Variants in ANKRD55 observed in about 807,000 individuals in gnomAD.
The protein encoded by ANKRD55 is ankyrin repeat domain 55, also known as ankyrin repeat domain-containing protein 55.
In ANKRD55, 41 loss-of-function variants were observed where a neutral mutation model predicts 60.6. That is an observed-to-expected ratio of 0.68 (90% CI 0.53 to 0.88). The LOEUF (loss-of-function observed/expected upper bound fraction) is 0.88, where lower values mean the gene tolerates loss of function less well. Ranked by LOEUF, ANKRD55 falls within the 40% of genes least tolerant of loss-of-function variation. ANKRD55 has a pLI of 0.00. For missense variants in ANKRD55, 732 were observed against 767.6 expected, an observed-to-expected ratio of 0.95 and a Z score of 0.55; for synonymous variants, 264 against 290.3, an observed-to-expected ratio of 0.91 and a Z score of 0.92.
At chr5:56,185,972 T>C (rs1200622887) in intron 2 of ANKRD55, among the ~76,000 whole-genome samples, 1 of 152,186 alleles carries the variant, frequency 6.6e-6, no homozygotes, top group Non-Finnish European at 1.5e-5. Context: ...TTGTTTTCGT[T>C]TGTTTGTTTT....
chr5:56,187,457 G>A (rs1758998521), intron 2 of ANKRD55, among the ~76,000 whole-genome samples: 1 of 152,240 alleles, frequency 6.6e-6, no homozygotes, highest in Non-Finnish European at 1.5e-5. Flanking sequence ...TTGTATGGGA[G>A]CTCTGTTTTC....
chr5:56,143,887 G>T lies in ANKRD55; in HGVS notation c.526C>A (p.Gln176Lys). 6.2e-7 allele frequency: 1 copy of T among 1,614,164 alleles called. No individual in the cohort carries two copies. Among genetic ancestry groups the T allele is most frequent in the Non-Finnish European group, 8.5e-7 (1 of 1,180,034 alleles). Residue 176 changes from glutamine to lysine, a missense_variant, in exon 7 of 12, where the codon CAA becomes AAA. By Grantham distance (53) the Gln-to-Lys change is moderately conservative. Transcript: ENST00000341048. ...TTCTTCAGCAGCATTTGTGTGTGTTGAGGCTGGTTGTGGAAAGCCGCCCAG... is the reference window on the plus strand; with the variant it reads ...TTCTTCAGCAGCATTTGTGTGTGTTTAGGCTGGTTGTGGAAAGCCGCCCAG... The part of the protein sequence containing the change: ...LHWAAFHNQP[Q>K]HTQMLLKKGA...
At position 56,143,904 on chromosome 5, in the gene ANKRD55, G is replaced by A. The variant is rs1244169186; in HGVS notation, c.509C>T (p.Ala170Val). ...NEGMTPLHWA[A>V]FHNQPQHTQM... is the part of the protein sequence containing the mutation. ...TGTGTGTTGAGGCTGGTTGTGGAAA[G>A]CCGCCCAGTGGAGTGGTGTCATTCC... The change falls in exon 7 of 12, where the codon GCT becomes GTT. Residue 170 changes from alanine (A) to valine (V), a missense_variant. By Grantham distance (64) the Ala-to-Val change is moderately conservative (BLOSUM62 0). Coordinates refer to ENST00000341048, the MANE Select transcript of ANKRD55 (RefSeq NM_024669.3). 10 of 1,613,994 alleles carry A rather than the reference G, an allele frequency of 6.2e-6. No individual in the cohort carries two copies. The highest frequency in any genetic ancestry group is 8.5e-6 in the Non-Finnish European group (10 of 1,180,038).
chr5:56,159,715 C>G (rs1351310654), intron 6 of ANKRD55, 118 bp downstream of exon 6: 1 of 1,014,006 alleles, frequency 9.9e-7, no homozygotes, highest in Non-Finnish European at 1.5e-6. Flanking sequence ...GGTAGGAACA[C>G]AGAACCATGC....
At position 56,111,378 on chromosome 5, in the gene ANKRD55, G is replaced by T. The variant is rs371537178; in HGVS notation, c.1370C>A (p.Ala457Glu). 3 of 1,614,180 alleles carry T rather than the reference G, an allele frequency of 1.9e-6. No homozygotes were observed. Among genetic ancestry groups the T allele is most frequent in the Non-Finnish European group, 2.5e-6 (3 of 1,180,044 alleles). ...ATGATGAGGAGCAGAGCTCAGGCCT[G>T]CATGGGAAGTGGCCCTATGGGAGGC... ...LTASHRATSH[A>E]GLSSAPHHMA... Residue 457 changes from alanine (A) to glutamate (E), a missense_variant, in exon 10 of 12, where the codon GCA becomes GAA. By Grantham distance (107) the Ala-to-Glu change is moderately radical (BLOSUM62 -1). Coordinates refer to ENST00000341048, the MANE Select transcript of ANKRD55 (RefSeq NM_024669.3).
intron 2 of ANKRD55, among the ~76,000 whole-genome samples, chr5:56,190,429 C>CT (rs1369925543): frequency 1.3e-5 from 2 of 152,060 alleles, no homozygotes; most frequent in Non-Finnish European, 2.9e-5. Flanking sequence ...TTTCCCTAGG[C>CT]TTTTTTCTAT....
At chr5:56,121,525 A>G (rs1479419542) in intron 8 of ANKRD55, among the ~76,000 whole-genome samples, 4 of 151,938 alleles carry the variant, frequency 2.6e-5, no homozygotes, top group African/African-American at 7.3e-5. Flanking sequence ...GGCGCCCGCC[A>G]CCACACCCAG....
intron 2 of ANKRD55, among the ~76,000 whole-genome samples, chr5:56,202,540 T>A (rs763258585): frequency 6.6e-6 from 1 of 152,204 alleles, no homozygotes; most frequent in Non-Finnish European, 1.5e-5. Context: ...GTGTCAGTCA[T>A]ATGAGAAGAA....
At chr5:56,105,350 G>A (rs1424661658) in intron 10 of ANKRD55, among the ~76,000 whole-genome samples, 1 of 152,178 alleles carries the variant, frequency 6.6e-6, no homozygotes, top group South Asian at 2.1e-4. Context: ...GCCTCCCAAA[G>A]TGTTGGGATT....
chr5:56,155,849 CAAAA>C (rs11338877), intron 6 of ANKRD55, among the ~76,000 whole-genome samples: 2 of 125,356 alleles, frequency 1.6e-5, no homozygotes, highest in African/African-American at 3.0e-5. Flanking sequence ...GACCCTGCCT[CAAAA>C]AAAAAAAAAA....
At chr5:56,209,442 A>G (rs1759602552) in intron 2 of ANKRD55, among the ~76,000 whole-genome samples, 1 of 151,418 alleles carries the variant, frequency 6.6e-6, no homozygotes, top group Non-Finnish European at 1.5e-5. Flanking sequence ...TCTGAATAAT[A>G]CCAAAACATT....
At chr5:56,193,006 T>G in intron 2 of ANKRD55, 1 of 974,730 alleles carries the variant, frequency 1.0e-6, no homozygotes. Flanking sequence ...CTTTTCAGTA[T>G]GTTCATGAAC....
intron 8 of ANKRD55, among the ~76,000 whole-genome samples, chr5:56,124,004 G>A (rs1757159655): frequency 6.6e-6 from 1 of 152,158 alleles, no homozygotes; most frequent in Non-Finnish European, 1.5e-5. Flanking sequence ...GCCGCTGAAT[G>A]GCAGGAGATA....
chr5:56,148,138 G>A (rs1757945223), intron 6 of ANKRD55, among the ~76,000 whole-genome samples: 1 of 152,224 alleles, frequency 6.6e-6, no homozygotes, highest in Non-Finnish European at 1.5e-5. Context: ...TTAGTGAATT[G>A]CAGCTTATCA....
Position 56,135,211 on chromosome 5 carries a change from TTTCCTTCCTTCC to T in ANKRD55, c.613-8117_613-8106del, listed in dbSNP as rs201467096. Among the ~76,000 whole-genome samples, 328 of 118,446 alleles carry T rather than the reference TTTCCTTCCTTCC, an allele frequency of 2.8e-3. 10 individuals are homozygous for T. Among genetic ancestry groups the T allele is most frequent in the African/African-American group, 9.7e-3 (264 of 27,206 alleles). 77.7% of individuals were successfully genotyped at this position (118,446 alleles called of 152,430 possible). On this transcript the variant is annotated intron_variant, in intron 7 of 11. Transcript: ENST00000341048. ...GAAGAAGGTAAAAATGTCTCACAAC[TTTCCTTCCTTCC>T]TTCCTTCCTTCCTTCCTTCCTTCCT...
intron 7 of ANKRD55, among the ~76,000 whole-genome samples, chr5:56,132,459 C>T (rs1453541836): frequency 1.4e-5 from 2 of 142,338 alleles, no homozygotes; most frequent in Non-Finnish European, 1.5e-5. Context: ...GGTGTGGTGG[C>T]GGGCGCCTGT....
rs1209532730 is a variant in ANKRD55, at chr5:56,170,699, A to T, written c.417T>A (p.Asp139Glu). 8 of 1,613,830 alleles carry T rather than the reference A, an allele frequency of 5.0e-6. No homozygotes were observed. The highest frequency in any genetic ancestry group is 6.8e-6 in the Non-Finnish European group (8 of 1,179,892). The stretch of plus-strand genomic sequence containing the variant: ...ATGTAAACCTGGCCACTTACCTCAT[A>T]TCGGGCTCAGCAGTGGCAGCATGCA... ...LPLHAATAEPDMRLLTVLLQQ... is the reference protein window; with the variant it reads ...LPLHAATAEPEMRLLTVLLQQ... The change falls in exon 5 of 12, where the codon GAT (aspartate) becomes GAA (glutamate). Residue 139 changes from aspartate (D) to glutamate (E), a missense_variant. Asp to Glu is a conservative substitution (Grantham distance 45). Around this residue, in one of 3 missense-constraint regions of ANKRD55, gnomAD observed 597 missense variants for 607.5 expected, o/e 0.98. Transcript: ENST00000341048.
intron 2 of ANKRD55, among the ~76,000 whole-genome samples, chr5:56,203,353 T>C (rs1307973537): frequency 6.6e-6 from 1 of 152,150 alleles, no homozygotes; most frequent in Non-Finnish European, 1.5e-5. Context: ...AATTTAATTT[T>C]ATTATTATTA....
chr5:56,176,465 C>T lies in ANKRD55; in HGVS notation c.182-183G>A, dbSNP rs545880843. On this transcript the variant is annotated intron_variant, in intron 3 of 11. Transcript: ENST00000341048. ...ATAAACTATGTATTTTTTTTACTGG[C>T]TCTTTTCAATCTTCTGCAATTTTGC... is the stretch of plus-strand genomic sequence containing the variant. Among the ~76,000 whole-genome samples, 4 of 152,246 alleles carry T rather than the reference C, an allele frequency of 2.6e-5. No individual in the cohort carries two copies. The East Asian group carries it at 5.8e-4, about 22-fold the overall frequency.
Sources: allele counts gnomAD v4.1 joint callset (sites outside exome capture counted in the v4.1 genomes callset), GRCh38; gene constraint gnomAD v4.1.1; regional missense constraint gnomAD v4.1.1; transcripts MANE v1.5; gene names NCBI Gene and HGNC (gene_info 2026-07-23, HGNC 2026-07-21).